NDC80: variants seen among roughly 807,000 people sequenced by gnomAD.
NDC80 encodes the protein kinetochore protein NDC80 homolog.
NDC80 carries 69 observed loss-of-function variants against 89.3 expected under a neutral mutation model. That is an observed-to-expected ratio of 0.77 (90% CI 0.64 to 0.94). The LOEUF (loss-of-function observed/expected upper bound fraction) is 0.94, where lower values mean the gene tolerates loss of function less well. Ranked by LOEUF, NDC80 falls within the 40% of genes least tolerant of loss-of-function variation. The pLI, the probability that NDC80 is intolerant of heterozygous loss-of-function variation, is 0.00. For missense variants in NDC80, 593 were observed against 739.6 expected (o/e 0.80, Z 2.30); for synonymous variants, 243 against 255.6 (o/e 0.95, Z 0.47).
chr18:2,592,383 T>TGTCA (rs1314197108), intron 10 of NDC80, among the ~76,000 whole-genome samples: 1 of 148,818 alleles, frequency 6.7e-6, no homozygotes, highest in Non-Finnish European at 1.5e-5. Flanking sequence ...AGAGACAGAG[T>TGTCA]GTCACTCTGT....
In NDC80 at chr18:2,616,428, C is replaced by G; in HGVS notation, c.1792-9C>G. 1 of 1,455,272 alleles carries G rather than the reference C, an allele frequency of 6.9e-7. No individual in the cohort carries two copies. The highest frequency in any genetic ancestry group is 9.2e-7 in the Non-Finnish European group (1 of 1,084,256). The allele number at this position is 1,455,272 out of a possible 1,614,324, so 90.1% of individuals were successfully genotyped here. A position where few individuals can be genotyped will look rare whatever the true frequency, so the allele number is the denominator to read the frequency against. ...TTTTACTTTAACAATTGTTAATTCT[C>G]TTCACTAGAAACATCTTGAGGAGCA... On this transcript the variant is annotated splice_polypyrimidine_tract_variant and intron_variant, in intron 16 of 16. Coordinates refer to ENST00000261597, the MANE Select transcript of NDC80 (RefSeq NM_006101.3).
At chr18:2,583,239 G>T (rs1048892566) in intron 6 of NDC80, among the ~76,000 whole-genome samples, 1 of 152,136 alleles carries the variant, frequency 6.6e-6, no homozygotes, top group East Asian at 1.9e-4. Context: ...TATAGCTCTT[G>T]GGGATCTGTA....
In NDC80 at chr18:2,578,993, T is replaced by G; in HGVS notation, c.543T>G (p.Ile181Met). 6.3e-7 allele frequency: 1 copy of G among 1,579,906 alleles called. No individual in the cohort carries two copies. Among genetic ancestry groups the G allele is most frequent in the African/African-American group, 1.4e-5 (1 of 73,342 alleles). ...GGGCTCCTCATACATGGCCTCACAT[T>G]GTGGCAGCCTTAGTTTGGCTAATAG... ...TVGAPHTWPH[I>M]VAALVWLIDC... The change falls in exon 6 of 17, where the codon ATT becomes ATG. Residue 181 changes from isoleucine (I) to methionine (M), a missense_variant. By Grantham distance (10) the Ile-to-Met change is conservative. Transcript: ENST00000261597.
At chr18:2,587,673 A>T (rs536431549) in intron 7 of NDC80, among the ~76,000 whole-genome samples, 157 bp from the exon 8 acceptor site, 1 of 152,326 alleles carries the variant, frequency 6.6e-6, no homozygotes, top group Non-Finnish European at 1.5e-5. Flanking sequence ...TAGCATAATT[A>T]TATAGCCTAG....
intron 11 of NDC80, among the ~76,000 whole-genome samples, chr18:2,597,962 A>G (rs1434385198): frequency 6.6e-6 from 1 of 152,152 alleles, no homozygotes; most frequent in Admixed American, 6.5e-5. Flanking sequence ...AATAGGTAAT[A>G]GGCTGTTATA....
At chr18:2,578,373 A>C (rs1165802306) in intron 5 of NDC80, among the ~76,000 whole-genome samples, 1 of 152,108 alleles carries the variant, frequency 6.6e-6, no homozygotes, top group East Asian at 1.9e-4. Context: ...TAACTGATCA[A>C]GTTTGATGAT....
chr18:2,598,656 A>G (rs1426510583), intron 11 of NDC80, among the ~76,000 whole-genome samples: 1 of 152,222 alleles, frequency 6.6e-6, no homozygotes, highest in Non-Finnish European at 1.5e-5. Flanking sequence ...TAATTTGTAC[A>G]TTGACAAAAC....
intron 6 of NDC80, chr18:2,582,768 A>G (rs912576276): frequency 7.9e-5 from 12 of 152,044 alleles, no homozygotes; most frequent in African/African-American, 2.9e-4. Flanking sequence ...AATGACCTCT[A>G]TTTGTTCATT....
intron 11 of NDC80, among the ~76,000 whole-genome samples, chr18:2,598,249 G>C (rs2072667468): frequency 6.6e-6 from 1 of 152,144 alleles, no homozygotes; most frequent in Non-Finnish European, 1.5e-5. Context: ...GTGTTTAATG[G>C]AGGAAGCAGA....
At chr18:2,592,441 C>T (rs532027718) in intron 10 of NDC80, among the ~76,000 whole-genome samples, 169 of 151,338 alleles carry the variant, frequency 1.1e-3, no homozygotes, top group Admixed American at 1.8e-3. Context: ...CTGCAACCCT[C>T]GCCTCCGGGG....
At chr18:2,574,221 G>A (rs1334191125) in intron 2 of NDC80, among the ~76,000 whole-genome samples, 1 of 152,118 alleles carries the variant, frequency 6.6e-6, no homozygotes, top group African/African-American at 2.4e-5. Context: ...GGAAGCATAG[G>A]GAGAAGACGG....
chr18:2,577,400 A>C (rs2072552440), intron 3 of NDC80: 1 of 186,664 alleles, frequency 5.4e-6, no homozygotes. Flanking sequence ...TACTTTTAGT[A>C]GAGACGAGGT....
intron 6 of NDC80, 139 bp from the exon 7 acceptor site, chr18:2,584,974 A>G: frequency 1.6e-6 from 1 of 622,074 alleles, no homozygotes. Flanking sequence ...AATGTTCAAT[A>G]TAATAACCTA....
chr18:2,599,332 TA>T (rs918364420), intron 12 of NDC80, among the ~76,000 whole-genome samples, 161 bp downstream of exon 12: 5 of 151,922 alleles, frequency 3.3e-5, no homozygotes, highest in African/African-American at 1.2e-4. Flanking sequence ...TACTATCCAG[TA>T]AAAAAAATTG....
intron 13 of NDC80, among the ~76,000 whole-genome samples, chr18:2,604,185 C>A (rs1487126282): frequency 6.6e-6 from 1 of 151,838 alleles, no homozygotes; most frequent in Non-Finnish European, 1.5e-5. Flanking sequence ...AAAACAATTT[C>A]TTCTATCATA....
At chr18:2,580,730 G>GTTTTTTTTTT (rs1567997102) in intron 6 of NDC80, among the ~76,000 whole-genome samples, 2 of 48,118 alleles carry the variant, frequency 4.2e-5, no homozygotes, top group Non-Finnish European at 5.1e-5. Flanking sequence ...CTCACCATCA[G>GTTTTTTTTTT]ATTTTTTTTT....
At chr18:2,575,783 G>A (rs1442226520) in intron 3 of NDC80, among the ~76,000 whole-genome samples, 2 of 152,116 alleles carry the variant, frequency 1.3e-5, no homozygotes, top group African/African-American at 4.8e-5. Flanking sequence ...TGATTAGCCG[G>A]GGGCAGTGGC....
chr18:2,591,455 G>A (rs1221383374), intron 10 of NDC80, among the ~76,000 whole-genome samples: 2 of 152,006 alleles, frequency 1.3e-5, no homozygotes, highest in African/African-American at 4.8e-5. Flanking sequence ...GGCTGTGTCT[G>A]TCCCACATGG....
intron 8 of NDC80, among the ~76,000 whole-genome samples, chr18:2,588,935 G>A (rs2072614209): frequency 1.3e-5 from 2 of 152,064 alleles, no homozygotes; most frequent in Non-Finnish European, 2.9e-5. Context: ...TTACATTTTA[G>A]TAGACAGAAA....
Sources: allele counts gnomAD v4.1 joint callset (sites outside exome capture counted in the v4.1 genomes callset), GRCh38; gene constraint gnomAD v4.1.1; transcripts MANE v1.5; gene names NCBI Gene and HGNC (gene_info 2026-07-23, HGNC 2026-07-21).